Variants in VWA3B observed in about 807,000 individuals in gnomAD.
VWA3B encodes the protein von Willebrand factor A domain-containing protein 3B.
In VWA3B, 138 loss-of-function variants were observed where a neutral mutation model predicts 158.3. That is an observed-to-expected ratio of 0.87 (90% confidence interval 0.76 to 1.00). The LOEUF is 1.00. Among genes scored for constraint, VWA3B ranks in the 50% least tolerant of loss-of-function variants. The pLI is 0.00. For synonymous variants in VWA3B, 596 were observed against 587.3 expected, an observed-to-expected ratio of 1.01 and a Z score of -0.21; for missense variants, 1,555 against 1,565.1, an observed-to-expected ratio of 0.99 and a Z score of 0.11.
intron 23 of VWA3B, 39 bp from the exon 24 acceptor site, chr2:98,297,867 AT>A (rs1226369007): frequency 2.3e-5 from 33 of 1,455,166 alleles, no homozygotes; most frequent in Non-Finnish European, 2.6e-5. Flanking sequence ...AAGGGATGTT[AT>A]TTGTCTTTAT....
At chr2:98,147,813 T>G (rs1451545959) in intron 7 of VWA3B, among the ~76,000 whole-genome samples, 1 of 152,032 alleles carries the variant, frequency 6.6e-6, no homozygotes, top group Non-Finnish European at 1.5e-5. Context: ...AACTCGTCAT[T>G]TACATTAGGT....
chr2:98,315,508 A>G (rs1691068344), downstream of VWA3B, among the ~76,000 whole-genome samples: 1 of 152,222 alleles, frequency 6.6e-6, no homozygotes, highest in South Asian at 2.1e-4. Context: ...TCTTCAGAAG[A>G]AAGGGAACAG....
Position 98,283,076 on chromosome 2 carries a change from A to T in VWA3B, c.3046-7435A>T, listed in dbSNP as rs188514213. Among the ~76,000 whole-genome samples the T allele has an allele frequency of 2.0e-3, 298 of 152,372 alleles. 2 individuals carry two copies. The highest frequency in any genetic ancestry group is 3.6e-3 in the Non-Finnish European group (244 of 68,032). ...AACCCATTCTGAAAATGTAGAAAGC[A>T]ATCTCCTCGGTTAGCTTCTGGCTAA... On this transcript the variant is annotated intron_variant, in intron 22 of 27. Transcript: ENST00000477737.
the VWA3B span, among the ~76,000 whole-genome samples, chr2:98,322,622 T>A: frequency 1.3e-5 from 2 of 152,340 alleles, no homozygotes; most frequent in African/African-American, 4.8e-5. Flanking sequence ...TGCTGCTTTT[T>A]AACTGAAATG....
intron 2 of VWA3B, among the ~76,000 whole-genome samples, chr2:98,114,665 T>C (rs1275542564): frequency 2.6e-5 from 4 of 152,156 alleles, no homozygotes; most frequent in African/African-American, 7.2e-5. Context: ...TACAATAAAA[T>C]AATCATCCGA....
intron 7 of VWA3B, among the ~76,000 whole-genome samples, chr2:98,156,126 C>T (rs1170195355): frequency 6.6e-6 from 1 of 152,180 alleles, no homozygotes; most frequent in Non-Finnish European, 1.5e-5. Flanking sequence ...GAAGACCGCA[C>T]TGGAGTGAGG....
At chr2:98,255,331 T>A (rs6714220) in intron 20 of VWA3B, among the ~76,000 whole-genome samples, 20 of 151,150 alleles carry the variant, frequency 1.3e-4, no homozygotes, top group African/African-American at 4.6e-4. Context: ...TGCACCCGGC[T>A]GGAAGCAGTG....
In VWA3B at chr2:98,256,199, C is replaced by CAT; in HGVS notation, c.2843+25_2843+26insAT. On this transcript the variant is annotated intron_variant, in intron 21 of 27. Coordinates refer to ENST00000477737, the MANE Select transcript of VWA3B (RefSeq NM_144992.5). ...AGTAAGCCATTCCATTCCCTCCTCA[C>CAT]TTTTTTTTTTTGGTGAAATTCACGT... 4 of 1,412,690 alleles carry CAT rather than the reference C, an allele frequency of 2.8e-6. No homozygotes were observed. In the South Asian group the frequency reaches 5.2e-5, roughly 18 times the overall value. The allele number at this position is 1,412,690 out of a possible 1,614,324, so 87.5% of individuals were successfully genotyped here.
the VWA3B span, among the ~76,000 whole-genome samples, chr2:98,323,190 A>G: frequency 2.0e-5 from 3 of 152,212 alleles, no homozygotes; most frequent in Non-Finnish European, 2.9e-5. Context: ...AGTAGCTACT[A>G]TAAAAGAAAG....
At position 98,129,224 on chromosome 2, in the gene VWA3B, A is replaced by AGAGAGTGTGTGTGTGTGTGTGT. The variant is rs1370543551; in HGVS notation, c.872+817_872+818insAGAGTGTGTGTGTGTGTGTGTG. Among the ~76,000 whole-genome samples the AGAGAGTGTGTGTGTGTGTGTGT allele has an allele frequency of 2.5e-4, 31 of 124,652 alleles. 1 individual carries two copies. Among genetic ancestry groups the AGAGAGTGTGTGTGTGTGTGTGT allele is most frequent in the East Asian group, 1.7e-3 (7 of 4,224 alleles). The allele number at this position is 124,652 out of a possible 152,430, so 81.8% of individuals were successfully genotyped here. On this transcript the variant is annotated intron_variant, in intron 6 of 27. Transcript: ENST00000477737. ...AGAGAGAGGAGAGAGAGAGAGAGAG[A>AGAGAGTGTGTGTGTGTGTGTGT]GTGTGTGTGTGTGTGTGTGTGTGTG...
At chr2:98,329,587 C>T in the VWA3B span, among the ~76,000 whole-genome samples, 1 of 150,628 alleles carries the variant, frequency 6.6e-6, no homozygotes, top group Admixed American at 6.6e-5. Context: ...CATCATTAGC[C>T]ATCAGGGAAA....
chr2:98,280,315 G>C (rs1199405448), intron 22 of VWA3B, among the ~76,000 whole-genome samples: 1 of 152,050 alleles, frequency 6.6e-6, no homozygotes, highest in Non-Finnish European at 1.5e-5. Context: ...TATAGTATAT[G>C]TTTATTAGAT....
At chr2:98,317,781 C>T (rs1173182473), downstream of VWA3B, among the ~76,000 whole-genome samples, 7 of 152,200 alleles carry the variant, frequency 4.6e-5, no homozygotes, top group Non-Finnish European at 1.0e-4. Context: ...CCACCTTAGG[C>T]ACATGTCCTC....
intron 7 of VWA3B, among the ~76,000 whole-genome samples, chr2:98,161,976 C>G (rs1451589364): frequency 6.6e-6 from 1 of 152,186 alleles, no homozygotes; most frequent in East Asian, 1.9e-4. Flanking sequence ...CAAAGTTTTA[C>G]AGGATTACAG....
intron 8 of VWA3B, among the ~76,000 whole-genome samples, chr2:98,169,929 G>C (rs1036220983): frequency 7.2e-5 from 11 of 151,994 alleles, no homozygotes; most frequent in Admixed American, 4.6e-4. Context: ...GACCATCCTG[G>C]GCGACATGGC....
In VWA3B at chr2:98,281,019, G is replaced by A. The variant is rs148466491; in HGVS notation, c.3046-9492G>A. ...AAGTGCAAATGCCCTGGGAAGGAAGGCACTAATTCGTTTGCCATGGGCCAC... is the reference window on the plus strand; with the variant it reads ...AAGTGCAAATGCCCTGGGAAGGAAGACACTAATTCGTTTGCCATGGGCCAC... On this transcript the variant is annotated intron_variant, in intron 22 of 27. Coordinates refer to ENST00000477737, the MANE Select transcript of VWA3B (RefSeq NM_144992.5). Among the ~76,000 whole-genome samples, 794 of 152,282 alleles carry A rather than the reference G, an allele frequency of 5.2e-3. 6 individuals carry two copies. The highest frequency in any genetic ancestry group is 0.018 in the African/African-American group (751 of 41,568).
chr2:98,117,828 C>T (rs1172628978), intron 3 of VWA3B, among the ~76,000 whole-genome samples: 3 of 151,410 alleles, frequency 2.0e-5, no homozygotes, highest in Admixed American at 6.6e-5. Context: ...CAGCTCACTC[C>T]GCCTCCTGCG....
chr2:98,123,972 C>T (rs1675167362), intron 5 of VWA3B, among the ~76,000 whole-genome samples: 1 of 152,214 alleles, frequency 6.6e-6, no homozygotes, highest in South Asian at 2.1e-4. Flanking sequence ...CTTCTATCCA[C>T]CTGCTGGCAC....
At chr2:98,224,282 G>A (rs1684743342) in intron 14 of VWA3B, among the ~76,000 whole-genome samples, 1 of 152,014 alleles carries the variant, frequency 6.6e-6, no homozygotes, top group Admixed American at 6.6e-5. Flanking sequence ...AGAAGAAAGA[G>A]CAGAAATATG....
Sources: gnomAD v4.1 joint callset for allele counts (sites outside exome capture counted in the v4.1 genomes callset) on GRCh38, gnomAD v4.1.1 for gene constraint, MANE v1.5 for transcripts, NCBI Gene and HGNC (gene_info 2026-07-23, HGNC 2026-07-21) for gene names.